ALK: variants seen among roughly 807,000 people sequenced by gnomAD.
ALK encodes the protein ALK tyrosine kinase receptor.
ALK carries 74 observed loss-of-function variants against 163.1 expected under a neutral mutation model. That is an observed-to-expected ratio of 0.45 (90% CI 0.38 to 0.55). The LOEUF (loss-of-function observed/expected upper bound fraction) is 0.55, where lower values mean the gene tolerates loss of function less well. Among genes scored for constraint, ALK ranks in the 20% least tolerant of loss-of-function variants. ALK has a pLI of 0.00. For synonymous variants in ALK, 960 were observed against 843.2 expected, an observed-to-expected ratio of 1.14 and a Z score of -2.40; for missense variants, 2,063 against 2,105.3, an observed-to-expected ratio of 0.98 and a Z score of 0.39.
At chr2:29,521,044 T>C (rs1672798287) in intron 4 of ALK, among the ~76,000 whole-genome samples, 1 of 152,142 alleles carries the variant, frequency 6.6e-6, no homozygotes, top group Admixed American at 6.5e-5. Flanking sequence ...AAAATACCAA[T>C]TTGACTGTGG....
At chr2:29,399,798 T>G (rs1669398699) in intron 4 of ALK, among the ~76,000 whole-genome samples, 1 of 152,214 alleles carries the variant, frequency 6.6e-6, no homozygotes, top group Non-Finnish European at 1.5e-5. Context: ...AGTCTCCTTC[T>G]TCCTTGCATT....
At chr2:29,218,862 A>G (rs1217028180) in intron 23 of ALK, among the ~76,000 whole-genome samples, 1 of 152,236 alleles carries the variant, frequency 6.6e-6, no homozygotes, top group African/African-American at 2.4e-5. Context: ...GTGGTGGGAA[A>G]GCCAGTGAAT....
At chr2:29,419,286 C>T (rs1333234628) in intron 4 of ALK, among the ~76,000 whole-genome samples, 2 of 151,430 alleles carry the variant, frequency 1.3e-5, no homozygotes, top group Non-Finnish European at 2.9e-5. Context: ...AACTCCTGAC[C>T]TCAAGTGACC....
chr2:29,437,137 TG>T (rs1363154127), intron 4 of ALK, among the ~76,000 whole-genome samples: 1 of 152,186 alleles, frequency 6.6e-6, no homozygotes, highest in Non-Finnish European at 1.5e-5. Context: ...CCAGAGCTCT[TG>T]GGGAGTCTTG....
intron 5 of ALK, among the ~76,000 whole-genome samples, chr2:29,331,660 G>A (rs903114886): frequency 1.3e-5 from 2 of 152,146 alleles, no homozygotes; most frequent in African/African-American, 2.4e-5. Context: ...TAAAACAGTG[G>A]GAGAAGATGC....
intron 2 of ALK, among the ~76,000 whole-genome samples, chr2:29,713,480 C>T (rs192547385): frequency 3.8e-4 from 58 of 152,238 alleles, no homozygotes; most frequent in African/African-American, 1.3e-3. Flanking sequence ...CTGGGATAGT[C>T]TCCATTTGGT....
intron 7 of ALK, among the ~76,000 whole-genome samples, chr2:29,318,607 C>T (rs1666907582): frequency 1.3e-5 from 2 of 150,916 alleles, no homozygotes; most frequent in Admixed American, 1.3e-4. Flanking sequence ...TGCTCTGTAG[C>T]TCAGACCGGA....
In ALK at chr2:29,820,486, GT is replaced by G. The variant is rs1665018472; in HGVS notation, c.667+99506del. Among the ~76,000 whole-genome samples, 5 of 152,294 alleles carry G rather than the reference GT, an allele frequency of 3.3e-5. No individual in the cohort carries two copies. In the South Asian group the frequency reaches 1.0e-3, roughly 32 times the overall value. On this transcript the variant is annotated intron_variant, in intron 1 of 28. Transcript: ENST00000389048. ...TGTTGCTGTATTTTTAAGCCACTAA[GT>G]TTTGGGGGAATTTGTTATGCTGCAG...
At chr2:29,253,764 C>A (rs1664879933) in intron 11 of ALK, among the ~76,000 whole-genome samples, 1 of 151,902 alleles carries the variant, frequency 6.6e-6, no homozygotes, top group African/African-American at 2.4e-5. Context: ...GTGGGGGTGG[C>A]CTTATCAATC....
At chr2:29,805,587 T>G (rs1020444507) in intron 1 of ALK, among the ~76,000 whole-genome samples, 1 of 152,184 alleles carries the variant, frequency 6.6e-6, no homozygotes, top group African/African-American at 2.4e-5. Context: ...GGTGGGAGCA[T>G]GTGGTATTTG....
At chr2:29,320,049 C>A (rs1317352611) in intron 7 of ALK, among the ~76,000 whole-genome samples, 1 of 152,246 alleles carries the variant, frequency 6.6e-6, no homozygotes, top group Non-Finnish European at 1.5e-5. Flanking sequence ...TCTCCAGCAG[C>A]CTAACGTTGG....
At chr2:29,757,474 G>A (rs1293575250) in intron 1 of ALK, among the ~76,000 whole-genome samples, 1 of 152,124 alleles carries the variant, frequency 6.6e-6, no homozygotes, top group Non-Finnish European at 1.5e-5. Context: ...TGTCCTGTAA[G>A]GAAGGTTACC....
At chr2:29,343,135 C>A (rs1008555883) in intron 5 of ALK, among the ~76,000 whole-genome samples, 1 of 151,372 alleles carries the variant, frequency 6.6e-6, no homozygotes, top group Non-Finnish European at 1.5e-5. Context: ...ATCCACCCAC[C>A]TTGGCCTCCC....
chr2:29,841,907 T>C (rs1027113514), intron 1 of ALK, among the ~76,000 whole-genome samples: 3 of 152,158 alleles, frequency 2.0e-5, no homozygotes, highest in African/African-American at 7.2e-5. Flanking sequence ...CCTCCACTCT[T>C]ACCCCAGCCA....
intron 4 of ALK, among the ~76,000 whole-genome samples, chr2:29,519,999 A>C (rs1276244522): frequency 6.6e-6 from 1 of 152,240 alleles, no homozygotes; most frequent in Non-Finnish European, 1.5e-5. Flanking sequence ...AAAGACTAGT[A>C]AACTAAGGAG....
intron 3 of ALK, 84 bp from the exon 4 acceptor site, chr2:29,532,200 G>A: frequency 7.6e-7 from 1 of 1,321,450 alleles, no homozygotes; most frequent in Non-Finnish European, 1.1e-6. Flanking sequence ...AGAGACAAAT[G>A]GCATCAAAAT....
chr2:29,689,072 C>T (rs1051351699), intron 3 of ALK, among the ~76,000 whole-genome samples: 4 of 152,158 alleles, frequency 2.6e-5, no homozygotes, highest in Non-Finnish European at 4.4e-5. Context: ...AGGACACCTC[C>T]TACCCTTCCT....
chr2:29,779,193 C>T (rs952658806), intron 1 of ALK, among the ~76,000 whole-genome samples: 3 of 151,832 alleles, frequency 2.0e-5, no homozygotes, highest in African/African-American at 4.8e-5. Flanking sequence ...AGAAAGAAAA[C>T]CTTGAGGTGG....
intron 2 of ALK, among the ~76,000 whole-genome samples, chr2:29,696,854 G>T (rs1038558706): frequency 3.3e-5 from 5 of 151,346 alleles, no homozygotes; most frequent in Admixed American, 6.6e-5. Context: ...TCTGGGAGAA[G>T]CTGTCTTTAG....
Sources: allele counts gnomAD v4.1 joint callset (sites outside exome capture counted in the v4.1 genomes callset), GRCh38; gene constraint gnomAD v4.1.1; transcripts MANE v1.5; gene names NCBI Gene and HGNC (gene_info 2026-07-23, HGNC 2026-07-21).